The following PDCD6 variants were observed in gnomAD, a reference collection of about 807,000 sequenced individuals.
PDCD6 encodes the protein programmed cell death 6, also known as programmed cell death protein 6.
In PDCD6, 12 loss-of-function variants were observed where a neutral mutation model predicts 28.3. The observed-to-expected ratio is 0.42, with a 90% CI of 0.27 to 0.69. The LOEUF is 0.69. Ranked by LOEUF, PDCD6 falls within the 30% of genes least tolerant of loss-of-function variation. The pLI is 0.22. For missense variants in PDCD6, 226 were observed against 269.9 expected (o/e 0.84, Z 1.14); for synonymous variants, 92 against 108.0 (o/e 0.85, Z 0.92).
intron 2 of PDCD6, chr5:290,373 G>C (rs1236464544): frequency 2.1e-6 from 2 of 943,472 alleles, no homozygotes; most frequent in East Asian, 4.8e-5. Context: ...GTCTCTTGGG[G>C]ACCGGAATGC....
rs1740440785 is a variant in PDCD6 at position 305,797 on chromosome 5, G to C, written c.209-805G>C. 6.6e-6 allele frequency: 1 copy of C among 152,252 alleles called. No homozygotes were observed. The highest frequency in any genetic ancestry group is 1.5e-5 in the Non-Finnish European group (1 of 68,070). The allele number at this position is 152,252 out of a possible 1,614,324, so 9.4% of individuals were successfully genotyped here. On this transcript the variant is annotated intron_variant, in intron 3 of 5. Coordinates refer to ENST00000264933, the MANE Select transcript of PDCD6 (RefSeq NM_013232.4). This position sits in a 1 kb window ranked among gnomAD's most constrained non-coding sequence, Gnocchi z 4.0. ...AAAAACAGCCACTGGTTGCACACAG[G>C]GTTGTGGACTGTTGGGAAGAAACAT...
At chr5:308,221 C>T (rs1405655384) in intron 4 of PDCD6, 1 of 152,276 alleles carries the variant, frequency 6.6e-6, no homozygotes, top group Non-Finnish European at 1.5e-5. Flanking sequence ...CTTGTCAGGC[C>T]CTGGAGCTCC....
chr5:308,979 T>C (rs1740716612), intron 4 of PDCD6: 1 of 155,090 alleles, frequency 6.4e-6, no homozygotes, highest in South Asian at 2.1e-4. Context: ...TAGGTTGCTG[T>C]AAACAGCCGG....
In PDCD6 at chr5:314,863, A is replaced by G; in HGVS notation, c.*348A>G. The G allele has an allele frequency of 2.7e-6, 1 of 371,436 alleles. No homozygotes were observed. Among genetic ancestry groups the G allele is most frequent in the Non-Finnish European group, 5.2e-6 (1 of 193,210 alleles). 23.0% of individuals were successfully genotyped at this position (371,436 alleles called of 1,614,324 possible). A position where few individuals can be genotyped will look rare whatever the true frequency, so the allele number is the denominator to read the frequency against. On this transcript the variant is annotated 3_prime_UTR_variant, in exon 6 of 6. Transcript: ENST00000264933. ...TTTATTAGCCAATAGGAATTTTAAAATAACATGGAACTTACACAAAAGGCT... is the reference window on the plus strand; with the variant it reads ...TTTATTAGCCAATAGGAATTTTAAAGTAACATGGAACTTACACAAAAGGCT...
Position 271,652 on chromosome 5 carries a change from G to A in PDCD6, c.-69G>A. On this transcript the variant is annotated 5_prime_UTR_variant, in exon 1 of 6. Transcript: ENST00000264933. ...GCCAGGCCCTGCCCCCGGCAGAGGC[G>A]GAAGCGGAGTCGGCCTGAGAGGTCT... The A allele has an allele frequency of 2.3e-6, 2 of 887,130 alleles. No individual in the cohort carries two copies. The highest frequency in any genetic ancestry group is 3.6e-6 in the Non-Finnish European group (2 of 558,326). The allele number at this position is 887,130 out of a possible 1,614,324, so 55.0% of individuals were successfully genotyped here. A position where few individuals can be genotyped will look rare whatever the true frequency, so the allele number is the denominator to read the frequency against.
intron 2 of PDCD6, among the ~76,000 whole-genome samples, chr5:294,246 T>C (rs80304376): frequency 0.18 from 23,561 of 132,978 alleles, 3,978 homozygotes; most frequent in African/African-American, 0.45. Flanking sequence ...TATAAAAATC[T>C]AAAGAGAATG....
At chr5:314,295 GCTC>G in intron 5 of PDCD6, 119 bp from the exon 6 acceptor site, 1 of 668,760 alleles carries the variant, frequency 1.5e-6, no homozygotes, top group Non-Finnish European at 2.6e-6. Flanking sequence ...CCTGTGCTGG[GCTC>G]CATCAGGGAG....
At chr5:281,256 A>G (rs1177018258) in intron 2 of PDCD6, among the ~76,000 whole-genome samples, 1 of 152,274 alleles carries the variant, frequency 6.6e-6, no homozygotes, top group Non-Finnish European at 1.5e-5. Context: ...TGACTGCTGA[A>G]TTTCGTAAGA....
At chr5:285,029 C>A (rs1738854932) in intron 2 of PDCD6, among the ~76,000 whole-genome samples, 1 of 148,648 alleles carries the variant, frequency 6.7e-6, no homozygotes, top group Non-Finnish European at 1.5e-5. Context: ...AGCCCTCAAA[C>A]TGCAACATCG....
intron 2 of PDCD6, among the ~76,000 whole-genome samples, chr5:277,340 C>T (rs767562259): frequency 7.1e-4 from 97 of 136,820 alleles, no homozygotes; most frequent in East Asian, 1.5e-3. Context: ...GAGTCTCTGT[C>T]GCCTAGGCTG....
intron 2 of PDCD6, among the ~76,000 whole-genome samples, chr5:300,063 G>A (rs1331737608): frequency 6.6e-6 from 1 of 152,198 alleles, no homozygotes; most frequent in African/African-American, 2.4e-5. Context: ...ATCTGCCTAT[G>A]TGGGAAGGGG....
chr5:290,222 T>G, intron 2 of PDCD6: 2 of 1,559,164 alleles, frequency 1.3e-6, no homozygotes, highest in African/African-American at 2.7e-5. Flanking sequence ...TTCTCCAGTC[T>G]TGGCTATATG....
At chr5:276,947 G>A (rs1738235925) in intron 2 of PDCD6, 1 of 985,122 alleles carries the variant, frequency 1.0e-6, no homozygotes, top group Non-Finnish European at 1.2e-6. Flanking sequence ...ACTATCTTGA[G>A]TTTGATCCCT....
intron 2 of PDCD6, among the ~76,000 whole-genome samples, chr5:283,631 C>T (rs1005222225): frequency 4.6e-5 from 7 of 151,222 alleles, no homozygotes; most frequent in African/African-American, 9.8e-5. Flanking sequence ...GAGGGTCATG[C>T]AGCTGAAGAC....
intron 2 of PDCD6, among the ~76,000 whole-genome samples, chr5:290,876 A>G (rs1206279303): frequency 6.6e-6 from 1 of 152,204 alleles, no homozygotes; most frequent in Admixed American, 6.5e-5. Context: ...AAGCTCATGA[A>G]TGTTCCTTCC....
Position 314,830 on chromosome 5 carries a change from C to T in PDCD6, c.*315C>T, listed in dbSNP as rs535489569. ...TCTAGATGTCTCTGGTTCTATAGTG[C>T]AAATGCTTTTATTAGCCAATAGGAA... On this transcript the variant is annotated 3_prime_UTR_variant, in exon 6 of 6. Coordinates refer to ENST00000264933, the MANE Select transcript of PDCD6 (RefSeq NM_013232.4). The T allele has an allele frequency of 2.4e-6, 1 of 425,288 alleles. No homozygotes were observed. The highest frequency in any genetic ancestry group is 3.6e-5 in the Admixed American group (1 of 27,622). 26.3% of individuals were successfully genotyped at this position (425,288 alleles called of 1,614,324 possible).
chr5:285,469 G>A (rs28660996), intron 2 of PDCD6, among the ~76,000 whole-genome samples: 19,860 of 150,772 alleles, frequency 0.13, 1,359 homozygotes, highest in Admixed American at 0.17. Context: ...CTGGAGACCC[G>A]GCGGGGAGCT....
chr5:299,818 G>A (rs529425766), intron 2 of PDCD6, among the ~76,000 whole-genome samples: 78 of 152,036 alleles, frequency 5.1e-4, no homozygotes, highest in South Asian at 2.5e-3. Context: ...CAAAGTGCTG[G>A]GATTACAGGC....
At chr5:306,314 C>T in intron 3 of PDCD6, 1 of 349,400 alleles carries the variant, frequency 2.9e-6, no homozygotes, top group Non-Finnish European at 5.5e-6. Context: ...GGCTGGATTT[C>T]CTCACACATC....
Sources: gnomAD v4.1 joint callset for allele counts (sites outside exome capture counted in the v4.1 genomes callset) on GRCh38, gnomAD v4.1.1 for gene constraint, Gnocchi (gnomAD v3.1) non-coding constraint, MANE v1.5 for transcripts, NCBI Gene and HGNC (gene_info 2026-07-23, HGNC 2026-07-21) for gene names.